KCNK12: variants seen among roughly 807,000 people sequenced by gnomAD.
The protein encoded by KCNK12 is potassium channel subfamily K member 12.
In KCNK12, 6 loss-of-function variants were observed where a neutral mutation model predicts 25.3. That is an observed-to-expected ratio of 0.24 (90% CI 0.13 to 0.47). KCNK12 has a LOEUF of 0.47. KCNK12 is among the 20% of genes least tolerant of loss of function. The pLI is 0.99. For synonymous variants in KCNK12, 331 were observed against 311.1 expected (o/e 1.06, Z -0.67); for missense variants, 444 against 661.7 (o/e 0.67, Z 3.61).
rs556469308 is a variant in KCNK12 at position 47,510,543 on chromosome 2, C to T, written c.*10364G>A. Among the ~76,000 whole-genome samples the T allele has an allele frequency of 2.6e-5, 4 of 152,208 alleles. No individual in the cohort carries two copies. The highest frequency in any genetic ancestry group is 2.1e-4 in the South Asian group (1 of 4,818). Reference sequence around the variant, plus strand: ...TCCTGGGTACACAAAAGTCAAGGCTCCAGGATCTGCCCTGGGGGCTATCTC... The same window carrying T: ...TCCTGGGTACACAAAAGTCAAGGCTTCAGGATCTGCCCTGGGGGCTATCTC... On this transcript the variant is annotated 3_prime_UTR_variant, in exon 2 of 2. Coordinates refer to ENST00000327876, the MANE Select transcript of KCNK12 (RefSeq NM_022055.2).
rs1480612573 is a variant in KCNK12 at position 47,511,446 on chromosome 2, G to A, written c.*9461C>T. Among the ~76,000 whole-genome samples the A allele has an allele frequency of 2.0e-5, 3 of 152,220 alleles. No individual in the cohort carries two copies. Among genetic ancestry groups the A allele is most frequent in the Non-Finnish European group, 4.4e-5 (3 of 68,046 alleles). ...AATGCTCTCATGTGTGCAAATACAT[G>A]TATTCTAAAGAAATCTGTCCAGAAC... On this transcript the variant is annotated 3_prime_UTR_variant, in exon 2 of 2. Transcript: ENST00000327876. This position sits in a 1 kb window ranked among gnomAD's most constrained non-coding sequence, Gnocchi z 4.3.
chr2:47,517,586 G>C lies in KCNK12; in HGVS notation c.*3321C>G, dbSNP rs147780997. On this transcript the variant is annotated 3_prime_UTR_variant, in exon 2 of 2. Transcript: ENST00000327876. This position sits in a 1 kb window ranked among gnomAD's most constrained non-coding sequence, Gnocchi z 4.1. ...TTGTAAGGCTGGTGTGTATGTGTGT[G>C]TGTATATATATATACATATATGCAT... is the stretch of plus-strand genomic sequence containing the variant. 1.3e-5 allele frequency: 2 copies of C among 152,138 alleles called. No individual in the cohort carries two copies. Among genetic ancestry groups the C allele is most frequent in the Non-Finnish European group, 2.9e-5 (2 of 68,024 alleles). The allele number at this position is 152,138 out of a possible 1,614,324, so 9.4% of individuals were successfully genotyped here.
intron 1 of KCNK12, among the ~76,000 whole-genome samples, chr2:47,553,932 G>A (rs1044042365): frequency 3.9e-5 from 6 of 152,176 alleles, no homozygotes; most frequent in African/African-American, 1.4e-4. Flanking sequence ...AGAGAACTCA[G>A]CTCAGGGTTT....
At chr2:47,567,559 T>C (rs1669808509) in intron 1 of KCNK12, among the ~76,000 whole-genome samples, 1 of 152,192 alleles carries the variant, frequency 6.6e-6, no homozygotes, top group Admixed American at 6.5e-5. Flanking sequence ...ATCTGACTGA[T>C]GGAAGTGACC....
Position 47,551,288 on chromosome 2 carries a change from C to T in KCNK12, c.391+18653G>A, listed in dbSNP as rs1248754367. Reference sequence around the variant, plus strand: ...CCTCTTCCTCCAGGCAGCCACATGGCTCACTCCCTTACCTCATTCCAAGCC... The same window carrying T: ...CCTCTTCCTCCAGGCAGCCACATGGTTCACTCCCTTACCTCATTCCAAGCC... On this transcript the variant is annotated intron_variant, in intron 1 of 1. Coordinates refer to ENST00000327876, the MANE Select transcript of KCNK12 (RefSeq NM_022055.2). The surrounding 1 kb of genome is among the most constrained non-coding windows in gnomAD (Gnocchi z 5.3). Among the ~76,000 whole-genome samples the T allele has an allele frequency of 6.6e-6, 1 of 150,640 alleles. No homozygotes were observed. The highest frequency in any genetic ancestry group is 2.1e-4 in the East Asian group (1 of 4,722).
At chr2:47,554,271 G>A (rs982488453) in intron 1 of KCNK12, among the ~76,000 whole-genome samples, 1 of 152,124 alleles carries the variant, frequency 6.6e-6, no homozygotes, top group Non-Finnish European at 1.5e-5. Context: ...ACATAAACAC[G>A]TTATTTGCTC....
intron 1 of KCNK12, among the ~76,000 whole-genome samples, chr2:47,543,953 T>C (rs1669256154): frequency 6.6e-6 from 1 of 152,192 alleles, no homozygotes; most frequent in Non-Finnish European, 1.5e-5. Flanking sequence ...GCCAGGAGGA[T>C]GGCTGTCACT....
rs1249038188 is a variant in KCNK12 at position 47,566,786 on chromosome 2, A to G, written c.391+3155T>C. 6.6e-6 allele frequency: 1 copy of G among 152,152 alleles called. No homozygotes were observed. The highest frequency in any genetic ancestry group is 1.5e-5 in the Non-Finnish European group (1 of 68,008). The allele number at this position is 152,152 out of a possible 1,614,324, so 9.4% of individuals were successfully genotyped here. A position where few individuals can be genotyped will look rare whatever the true frequency, so the allele number is the denominator to read the frequency against. On this transcript the variant is annotated intron_variant, in intron 1 of 1. Coordinates refer to ENST00000327876, the MANE Select transcript of KCNK12 (RefSeq NM_022055.2). The surrounding 1 kb of genome is among the most constrained non-coding windows in gnomAD (Gnocchi z 4.1). ...AAACAAGAACGTTCCCACCAATTAT[A>G]TGCATGAAATTGGTGGATATTGCAC...
rs1668474820 is a variant in KCNK12 at position 47,514,358 on chromosome 2, GA to G, written c.*6548del. On this transcript the variant is annotated 3_prime_UTR_variant, in exon 2 of 2. Transcript: ENST00000327876. This position sits in a 1 kb window ranked among gnomAD's most constrained non-coding sequence, Gnocchi z 5.0. ...GCGCCCTGCCCCCGTCAGCCTCCAG[GA>G]GCCTGGAGTCCAGGGACATCAAGGG... 1.3e-5 allele frequency among the ~76,000 whole-genome samples: 2 copies of G among 152,224 alleles called. No homozygotes were observed. The highest frequency in any genetic ancestry group is 2.9e-5 in the Non-Finnish European group (2 of 68,040).
rs1669352877 is a variant in KCNK12, at chr2:47,548,213, C to T, written c.391+21728G>A. On this transcript the variant is annotated intron_variant, in intron 1 of 1. Coordinates refer to ENST00000327876, the MANE Select transcript of KCNK12 (RefSeq NM_022055.2). The surrounding 1 kb of genome is among the most constrained non-coding windows in gnomAD (Gnocchi z 4.4). ...TTATAAATTACCCACTCTCAGGTAT[C>T]TTCTTCAGTGATGATAACATTGCTT... Among the ~76,000 whole-genome samples, 1 of 152,156 alleles carries T rather than the reference C, an allele frequency of 6.6e-6. No individual in the cohort carries two copies. The highest frequency in any genetic ancestry group is 1.5e-5 in the Non-Finnish European group (1 of 68,034).
At chr2:47,531,745 T>C (rs899400879) in intron 1 of KCNK12, among the ~76,000 whole-genome samples, 1 of 152,096 alleles carries the variant, frequency 6.6e-6, no homozygotes, top group Non-Finnish European at 1.5e-5. Context: ...GTAAAAACAG[T>C]GGGTGCAGCC....
rs1476231077 is a variant in KCNK12 at position 47,557,462 on chromosome 2, T to G, written c.391+12479A>C. ...TTTTTTTTTAATAAATTACCCAGTC[T>G]GTGATATTCTGTTATGGAAGCAGAA... is the stretch of plus-strand genomic sequence containing the variant. On this transcript the variant is annotated intron_variant, in intron 1 of 1. Coordinates refer to ENST00000327876, the MANE Select transcript of KCNK12 (RefSeq NM_022055.2). This position sits in a 1 kb window ranked among gnomAD's most constrained non-coding sequence, Gnocchi z 4.9. Among the ~76,000 whole-genome samples the G allele has an allele frequency of 1.3e-5, 2 of 152,040 alleles. No individual in the cohort carries two copies. The highest frequency in any genetic ancestry group is 2.9e-5 in the Non-Finnish European group (2 of 68,012).
Position 47,534,517 on chromosome 2 carries a change from C to CA in KCNK12, c.392-12710_392-12709insT, listed in dbSNP as rs1314671163. On this transcript the variant is annotated intron_variant, in intron 1 of 1. Transcript: ENST00000327876. The stretch of plus-strand genomic sequence containing the variant: ...GGATGAGATCACTGCCCCTTCTAAC[C>CA]CCCCCCCCCGCCCCCACACACAGAA... 6.5e-4 allele frequency among the ~76,000 whole-genome samples: 65 copies of CA among 99,668 alleles called. 1 individual carries two copies. Among genetic ancestry groups the CA allele is most frequent in the African/African-American group, 2.3e-3 (60 of 25,902 alleles). 65.4% of individuals were successfully genotyped at this position (99,668 alleles called of 152,430 possible).
intron 1 of KCNK12, among the ~76,000 whole-genome samples, chr2:47,542,557 C>T (rs910983875): frequency 6.6e-6 from 1 of 152,188 alleles, no homozygotes; most frequent in African/African-American, 2.4e-5. Flanking sequence ...GGGTGGGTTC[C>T]AGCAACCCTG....
At chr2:47,550,564 G>T (rs1669407652) in intron 1 of KCNK12, among the ~76,000 whole-genome samples, 1 of 151,582 alleles carries the variant, frequency 6.6e-6, no homozygotes, top group Non-Finnish European at 1.5e-5. Flanking sequence ...TGTACTTTTA[G>T]TAGAGACAGG....
rs944159785 is a variant in KCNK12 at position 47,511,810 on chromosome 2, C to A, written c.*9097G>T. Among the ~76,000 whole-genome samples, 8 of 152,318 alleles carry A rather than the reference C, an allele frequency of 5.3e-5. No individual in the cohort carries two copies. Among genetic ancestry groups the A allele is most frequent in the African/African-American group, 9.6e-5 (4 of 41,576 alleles). ...TGCGTTGTAGACTTTTCTGCAGTGA[C>A]AGAAATGTTCTATATCTGTGCTATC... On this transcript the variant is annotated 3_prime_UTR_variant, in exon 2 of 2. Transcript: ENST00000327876. The surrounding 1 kb of genome is among the most constrained non-coding windows in gnomAD (Gnocchi z 4.3).
chr2:47,512,611 G>A lies in KCNK12; in HGVS notation c.*8296C>T. On this transcript the variant is annotated 3_prime_UTR_variant, in exon 2 of 2. Coordinates refer to ENST00000327876, the MANE Select transcript of KCNK12 (RefSeq NM_022055.2). ...CTTACAGTGAGAAAGCGCCTTCTGG[G>A]AACTTCACAATGGCTAAAGTGTGCT... The A allele has an allele frequency of 1.5e-6, 1 of 664,996 alleles. No individual in the cohort carries two copies. Among genetic ancestry groups the A allele is most frequent in the Non-Finnish European group, 2.5e-6 (1 of 402,016 alleles). The allele number at this position is 664,996 out of a possible 1,614,324, so 41.2% of individuals were successfully genotyped here.
In KCNK12 at chr2:47,513,356, G is replaced by C. The variant is rs1668449527; in HGVS notation, c.*7551C>G. 1 of 152,198 alleles carries C rather than the reference G, an allele frequency of 6.6e-6. No individual in the cohort carries two copies. 9.4% of individuals were successfully genotyped at this position (152,198 alleles called of 1,614,324 possible). ...TTGTCTTAATCACTCAGTGGCACTT[G>C]GCACTTATTCCTTCTTGAAACCCTT... On this transcript the variant is annotated 3_prime_UTR_variant, in exon 2 of 2. Transcript: ENST00000327876.
At chr2:47,524,824 G>A (rs367815756) in intron 1 of KCNK12, among the ~76,000 whole-genome samples, 1 of 152,144 alleles carries the variant, frequency 6.6e-6, no homozygotes, top group African/African-American at 2.4e-5. Context: ...ACCCATCACT[G>A]TATAGGTGAG....
Sources: allele counts gnomAD v4.1 joint callset (sites outside exome capture counted in the v4.1 genomes callset), GRCh38; gene constraint gnomAD v4.1.1; non-coding constraint Gnocchi (gnomAD v3.1); transcripts MANE v1.5; gene names NCBI Gene and HGNC (gene_info 2026-07-23, HGNC 2026-07-21).